The following WWP2 variants were observed in gnomAD, a reference collection of about 807,000 sequenced individuals.
The protein encoded by WWP2 is NEDD4-like E3 ubiquitin-protein ligase WWP2.
In WWP2, 57 loss-of-function variants were observed where a neutral mutation model predicts 121.0. That is an observed-to-expected ratio of 0.47 (90% confidence interval 0.38 to 0.59). WWP2 has a LOEUF of 0.59. WWP2 is among the 20% of genes least tolerant of loss of function. The pLI, the probability that WWP2 is intolerant of heterozygous loss-of-function variation, is 0.00. For missense variants in WWP2, 962 were observed against 1,158.9 expected (o/e 0.83, Z 2.47); for synonymous variants, 449 against 441.3 (o/e 1.02, Z -0.22).
chr16:69,858,450 T>A (rs1287768891), intron 6 of WWP2, among the ~76,000 whole-genome samples: 1 of 152,136 alleles, frequency 6.6e-6, no homozygotes, highest in Non-Finnish European at 1.5e-5. Flanking sequence ...TGTTGCTGGT[T>A]TACGTTCCCT....
Position 69,865,983 on chromosome 16 carries a change from C to T in WWP2, c.576-5821C>T, listed in dbSNP as rs78115637. On this transcript the variant is annotated intron_variant, in intron 6 of 23. Coordinates refer to ENST00000359154, the MANE Select transcript of WWP2 (RefSeq NM_001270454.2). ...TCTTTTGAGAGGGTTGATTTTTGTT[C>T]GACACTGAGGAAAGAAAGACTTATG... 7.6e-3 allele frequency among the ~76,000 whole-genome samples: 1,150 copies of T among 152,054 alleles called. 15 individuals carry two copies. The highest frequency in any genetic ancestry group is 0.025 in the African/African-American group (1,039 of 41,470).
chr16:69,868,684 CACACACACAGACAT>C (rs1180324991), intron 6 of WWP2, among the ~76,000 whole-genome samples: 1 of 151,208 alleles, frequency 6.6e-6, no homozygotes, highest in Non-Finnish European at 1.5e-5. Flanking sequence ...CACACACACA[CACACACACAGACAT>C]ACACACACAG....
intron 14 of WWP2, 123 bp from the exon 15 acceptor site, chr16:69,931,386 A>G: frequency 1.4e-6 from 2 of 1,473,166 alleles, no homozygotes; most frequent in South Asian, 2.4e-5. Flanking sequence ...GCTAGTTTTC[A>G]TTCCTAGGGC....
intron 4 of WWP2, among the ~76,000 whole-genome samples, chr16:69,836,984 C>G (rs537809528): frequency 3.7e-4 from 57 of 152,186 alleles, no homozygotes; most frequent in Non-Finnish European, 1.5e-5. Context: ...AGTGCCCTGG[C>G]ATGATCTTGG....
intron 2 of WWP2, among the ~76,000 whole-genome samples, chr16:69,794,584 C>A (rs987150486): frequency 1.3e-5 from 2 of 152,006 alleles, no homozygotes; most frequent in Non-Finnish European, 2.9e-5. Flanking sequence ...TGGCCCATGC[C>A]CAGGAATGAC....
intron 8 of WWP2, chr16:69,894,986 T>C (rs919679791): frequency 5.4e-4 from 82 of 152,266 alleles, no homozygotes; most frequent in African/African-American, 1.9e-3. Flanking sequence ...CCCGCAGCCA[T>C]TGGCTGCCCC....
rs938389762 is a variant in WWP2 at position 69,931,812 on chromosome 16, T to C, written c.1604T>C (p.Met535Thr). The C allele has an allele frequency of 2.5e-6, 4 of 1,613,682 alleles. No individual in the cohort carries two copies. The highest frequency in any genetic ancestry group is 1.3e-5 in the African/African-American group (1 of 75,000). ...GCTCTGTCTTCCCAGATCATGAACA[T>C]GAAACCCTATGACCTGCGCCGCCGG... Reference protein sequence around the residue: ...FEDSFQQIMNMKPYDLRRRLY... With the variant: ...FEDSFQQIMNTKPYDLRRRLY... Residue 535 changes from methionine (M) to threonine (T), a missense_variant, in exon 16 of 24, where the codon ATG becomes ACG. Physicochemically the swap from Met to Thr is moderately conservative, Grantham distance 81. Coordinates refer to ENST00000359154, the MANE Select transcript of WWP2 (RefSeq NM_001270454.2).
At chr16:69,846,338 A>G (rs1367062217) in intron 6 of WWP2, among the ~76,000 whole-genome samples, 1 of 152,222 alleles carries the variant, frequency 6.6e-6, no homozygotes, top group Non-Finnish European at 1.5e-5. Flanking sequence ...AAACAGTACC[A>G]TAGTAGGATG....
Position 69,863,960 on chromosome 16 carries a change from C to T in WWP2, c.576-7844C>T, listed in dbSNP as rs1451258161. ...TACCACAGTTGGTCTACTCATTCAC[C>T]AATTGAAGGACTTGGAGTTGCTTAC... is the stretch of plus-strand genomic sequence containing the variant. On this transcript the variant is annotated intron_variant, in intron 6 of 23. Coordinates refer to ENST00000359154, the MANE Select transcript of WWP2 (RefSeq NM_001270454.2). 2.6e-5 allele frequency among the ~76,000 whole-genome samples: 4 copies of T among 152,142 alleles called. No homozygotes were observed. In the East Asian group the frequency reaches 7.7e-4, roughly 29 times the overall value.
intron 6 of WWP2, among the ~76,000 whole-genome samples, chr16:69,867,155 T>G (rs1202726231): frequency 6.6e-6 from 1 of 152,036 alleles, no homozygotes; most frequent in African/African-American, 2.4e-5. Flanking sequence ...TTTTTTTTTT[T>G]TTAAACCAAA....
chr16:69,803,087 TA>T lies in WWP2; in HGVS notation c.340+3803del, dbSNP rs11370872. On this transcript the variant is annotated intron_variant, in intron 4 of 23. Coordinates refer to ENST00000359154, the MANE Select transcript of WWP2 (RefSeq NM_001270454.2). ...CTTGGCATATATTGGATATTACTTG[TA>T]AAAAAAAAAAGCCTTTTTTTTTCCT... is the stretch of plus-strand genomic sequence containing the variant. 2.9e-3 allele frequency among the ~76,000 whole-genome samples: 424 copies of T among 144,078 alleles called. 2 individuals carry two copies. The highest frequency in any genetic ancestry group is 6.2e-3 in the South Asian group (28 of 4,514). The allele number at this position is 144,078 out of a possible 152,430, so 94.5% of individuals were successfully genotyped here. A position where few individuals can be genotyped will look rare whatever the true frequency, so the allele number is the denominator to read the frequency against.
intron 8 of WWP2, 61 bp downstream of exon 8, chr16:69,888,310 G>T: frequency 6.5e-7 from 1 of 1,541,514 alleles, no homozygotes; most frequent in East Asian, 2.3e-5. Flanking sequence ...CTCCTTTACG[G>T]GGGTGGAAAC....
At chr16:69,908,001 C>T (rs926099543) in intron 8 of WWP2, among the ~76,000 whole-genome samples, 5 of 152,264 alleles carry the variant, frequency 3.3e-5, no homozygotes, top group African/African-American at 9.6e-5. Context: ...AGCACTTTGG[C>T]AGGCCAAGGT....
chr16:69,861,223 G>A (rs2057412452), intron 6 of WWP2, among the ~76,000 whole-genome samples: 1 of 152,226 alleles, frequency 6.6e-6, no homozygotes, highest in East Asian at 1.9e-4. Flanking sequence ...TGGCCACGTT[G>A]AGCAGGTGAA....
chr16:69,907,121 T>G (rs2058306712), intron 8 of WWP2, among the ~76,000 whole-genome samples: 1 of 152,184 alleles, frequency 6.6e-6, no homozygotes, highest in African/African-American at 2.4e-5. Flanking sequence ...AGTTGGAGCT[T>G]GTGAGTATTA....
intron 9 of WWP2, 94 bp downstream of exon 9, chr16:69,908,944 A>T (rs978313839): frequency 6.3e-7 from 1 of 1,590,176 alleles, no homozygotes; most frequent in Non-Finnish European, 8.6e-7. Flanking sequence ...CGGAGGTAGC[A>T]TAGCACAGTG....
At chr16:69,806,953 TATTC>T (rs200681828) in intron 4 of WWP2, among the ~76,000 whole-genome samples, 9,578 of 146,066 alleles carry the variant, frequency 0.066, 389 homozygotes, top group Non-Finnish European at 0.078. Flanking sequence ...TTTATTTATT[TATTC>T]ATTCATTCAT....
At chr16:69,890,019 G>A (rs969879616) in intron 8 of WWP2, among the ~76,000 whole-genome samples, 6 of 151,888 alleles carry the variant, frequency 4.0e-5, no homozygotes, top group Non-Finnish European at 7.4e-5. Flanking sequence ...CAGTAGTACA[G>A]TCTTGGCTCA....
At chr16:69,791,707 GA>G (rs2055915118) in intron 2 of WWP2, among the ~76,000 whole-genome samples, 8 of 152,028 alleles carry the variant, frequency 5.3e-5, no homozygotes, top group Admixed American at 4.6e-4. Context: ...TTTTTATAGA[GA>G]TAGGTCTTGC....
Sources: allele counts gnomAD v4.1 joint callset (sites outside exome capture counted in the v4.1 genomes callset), GRCh38; gene constraint gnomAD v4.1.1; transcripts MANE v1.5; gene names NCBI Gene and HGNC (gene_info 2026-07-23, HGNC 2026-07-21).